Variants in CSMD2 observed in about 807,000 individuals in gnomAD.
CSMD2 encodes CUB and Sushi multiple domains 2, also known as CUB and sushi domain-containing protein 2.
Under a neutral mutation model 398.5 loss-of-function variants are expected in CSMD2, and 130 were observed. The observed-to-expected ratio is 0.33, with a 90% CI of 0.28 to 0.38. The LOEUF (loss-of-function observed/expected upper bound fraction) is 0.38. CSMD2 is among the 10% of genes least tolerant of loss of function. The probability of loss-of-function intolerance (pLI) is 1.00; values close to 1 mark genes in which losing one functional copy is unlikely to be tolerated. For missense variants in CSMD2, 3,829 were observed against 4,764.9 expected, an observed-to-expected ratio of 0.80 and a Z score of 5.78; for synonymous variants, 1,828 against 1,908.5, an observed-to-expected ratio of 0.96 and a Z score of 1.10.
intron 1 of CSMD2, among the ~76,000 whole-genome samples, chr1:34,102,180 G>A (rs935387549): frequency 6.6e-5 from 10 of 152,074 alleles, no homozygotes; most frequent in Non-Finnish European, 2.9e-5. Flanking sequence ...ACAGGTGCCC[G>A]CCACCACGCC....
intron 21 of CSMD2, among the ~76,000 whole-genome samples, chr1:33,711,319 C>T (rs1347958611): frequency 2.6e-5 from 4 of 152,198 alleles, no homozygotes; most frequent in Admixed American, 2.6e-4. Context: ...TCCATCTAGG[C>T]AGAGGCCTGT....
At chr1:33,569,061 G>T (rs777861071) in intron 52 of CSMD2, among the ~76,000 whole-genome samples, 2 of 152,166 alleles carry the variant, frequency 1.3e-5, no homozygotes, top group Non-Finnish European at 1.5e-5. Flanking sequence ...CTGCAAATTT[G>T]CCAAAAATGG....
chr1:33,685,738 CCT>C (rs1252545028), intron 25 of CSMD2, among the ~76,000 whole-genome samples: 1 of 152,156 alleles, frequency 6.6e-6, no homozygotes, highest in Non-Finnish European at 1.5e-5. Context: ...AGGCAGAACT[CCT>C]CTCTCTCTTC....
chr1:34,156,859 T>A (rs959086531), intron 1 of CSMD2, among the ~76,000 whole-genome samples: 3 of 152,238 alleles, frequency 2.0e-5, no homozygotes, highest in Admixed American at 2.0e-4. Context: ...AGTTTAAAAT[T>A]TTCCAACAAT....
intron 15 of CSMD2, among the ~76,000 whole-genome samples, chr1:33,729,453 C>CTT (rs200820125): frequency 2.9e-5 from 3 of 103,822 alleles, no homozygotes; most frequent in Non-Finnish European, 4.3e-5. Flanking sequence ...GGGGAGGATT[C>CTT]TTTTTTTTTT....
At chr1:34,132,145 G>A (rs1050430570) in intron 1 of CSMD2, among the ~76,000 whole-genome samples, 2 of 151,980 alleles carry the variant, frequency 1.3e-5, no homozygotes, top group South Asian at 2.1e-4. Context: ...GGGAGGACTC[G>A]CCTCTGGAAC....
chr1:34,084,628 A>G (rs1412005364), intron 2 of CSMD2, among the ~76,000 whole-genome samples: 2 of 152,164 alleles, frequency 1.3e-5, no homozygotes, highest in Non-Finnish European at 2.9e-5. Context: ...CACATGAAAA[A>G]ATGCTCACCA....
intron 5 of CSMD2, among the ~76,000 whole-genome samples, chr1:33,903,413 C>G (rs1642881768): frequency 6.6e-6 from 1 of 151,876 alleles, no homozygotes; most frequent in African/African-American, 2.4e-5. Context: ...CCGCTCTGGC[C>G]AAGCAGTTTG....
chr1:33,537,439 T>C lies in CSMD2; in HGVS notation c.9802A>G (p.Ile3268Val). The C allele has an allele frequency of 1.9e-6, 3 of 1,611,718 alleles. No individual in the cohort carries two copies. Among genetic ancestry groups the C allele is most frequent in the South Asian group, 1.1e-5 (1 of 90,712 alleles). The change falls in exon 61 of 71, where the codon ATA becomes GTA. Residue 3268 changes from isoleucine to valine, a missense_variant. Ile to Val is a conservative substitution (Grantham distance 29). Transcript: ENST00000373381. This position sits in a 1 kb window ranked among gnomAD's most constrained non-coding sequence, Gnocchi z 4.6. ...CCTGCTCCAGATGACCTCTCACCTA[T>C]GCAGCTGGGCTGGGTGCCACTCCAT... Reference protein sequence around the residue: ...GTWSGTQPSCIDPTLTTCADP... With the variant: ...GTWSGTQPSCVDPTLTTCADP...
At chr1:33,953,883 C>A (rs1329723751) in intron 3 of CSMD2, among the ~76,000 whole-genome samples, 1 of 152,144 alleles carries the variant, frequency 6.6e-6, no homozygotes, top group East Asian at 1.9e-4. Flanking sequence ...CAGGGCACTT[C>A]CCATGGATAA....
chr1:33,569,381 G>A lies in CSMD2; in HGVS notation c.8124C>T (p.Arg2708=). 1 of 1,613,586 alleles carries A rather than the reference G, an allele frequency of 6.2e-7. No individual in the cohort carries two copies. The highest frequency in any genetic ancestry group is 8.5e-7 in the Non-Finnish European group (1 of 1,179,716). The change falls in exon 52 of 71, where the codon CGC becomes CGT. Residue 2708 remains arginine, a synonymous_variant. Transcript: ENST00000373381. The part of the protein sequence containing the change: ...ANGLWSGSEV[R]CLATQTKLHS... ...CCTGCAGAGGTCACTTACCAAGGCA[G>A]CGGACTTCAGAGCCACTCCAGAGCC...
intron 5 of CSMD2, among the ~76,000 whole-genome samples, chr1:33,883,688 A>G (rs954224419): frequency 3.9e-5 from 6 of 152,138 alleles, no homozygotes; most frequent in Non-Finnish European, 8.8e-5. Flanking sequence ...GAACTCTCCA[A>G]GCCTTCTCAG....
intron 2 of CSMD2, among the ~76,000 whole-genome samples, chr1:34,086,297 TC>T (rs1657881009): frequency 6.6e-6 from 1 of 152,188 alleles, no homozygotes; most frequent in Non-Finnish European, 1.5e-5. Flanking sequence ...GAAGACTGGC[TC>T]CCTTGTGACC....
chr1:33,778,485 A>G (rs1277727325), intron 12 of CSMD2, among the ~76,000 whole-genome samples: 1 of 152,008 alleles, frequency 6.6e-6, no homozygotes, highest in East Asian at 1.9e-4. Flanking sequence ...AAGATGATTC[A>G]CCACCCAGCC....
intron 5 of CSMD2, among the ~76,000 whole-genome samples, chr1:33,896,651 A>G (rs1250702039): frequency 4.6e-5 from 7 of 152,098 alleles, no homozygotes; most frequent in Non-Finnish European, 8.8e-5. Context: ...TTGAACTCCC[A>G]ACTTCCAGGC....
In CSMD2 at chr1:33,636,293, A is replaced by G. The variant is rs373632199; in HGVS notation, c.4969+67T>C. On this transcript the variant is annotated intron_variant, in intron 30 of 70. Transcript: ENST00000373381. This position sits in a 1 kb window ranked among gnomAD's most constrained non-coding sequence, Gnocchi z 4.8. ...CTTGCCCCCCTCCCTTCCCCAGCCCACAGCACCCTCTGCCCCTGGCATGCC... is the reference window on the plus strand; with the variant it reads ...CTTGCCCCCCTCCCTTCCCCAGCCCGCAGCACCCTCTGCCCCTGGCATGCC... 1 of 1,468,264 alleles carries G rather than the reference A, an allele frequency of 6.8e-7. No homozygotes were observed. 91.0% of individuals were successfully genotyped at this position (1,468,264 alleles called of 1,614,324 possible). A position where few individuals can be genotyped will look rare whatever the true frequency, so the allele number is the denominator to read the frequency against.
At position 34,058,715 on chromosome 1, in the gene CSMD2, C is replaced by T. The variant is rs915051249; in HGVS notation, c.405-26009G>A. 5.3e-5 allele frequency among the ~76,000 whole-genome samples: 8 copies of T among 152,270 alleles called. No homozygotes were observed. The South Asian group carries it at 6.2e-4, about 12-fold the overall frequency. On this transcript the variant is annotated intron_variant, in intron 2 of 70. Transcript: ENST00000373381. ...CTGGGCTGCCCACCCTGGTTGAAACCGCACACCTGGCCTTCAGCACTGTTC... is the reference window on the plus strand; with the variant it reads ...CTGGGCTGCCCACCCTGGTTGAAACTGCACACCTGGCCTTCAGCACTGTTC...
intron 1 of CSMD2, among the ~76,000 whole-genome samples, chr1:34,116,058 G>A (rs1355213395): frequency 3.3e-5 from 5 of 151,854 alleles, no homozygotes; most frequent in African/African-American, 9.7e-5. Context: ...TAACTATAAG[G>A]CACACAGAAA....
Position 34,164,947 on chromosome 1 carries a change from G to A in CSMD2, c.151C>T (p.Leu51=). Residue 51 remains leucine, a synonymous_variant, in exon 1 of 71, where the codon CTG becomes TTG. Coordinates refer to ENST00000373381, the MANE Select transcript of CSMD2 (RefSeq NM_001281956.2). The surrounding 1 kb of genome is among the most constrained non-coding windows in gnomAD (Gnocchi z 6.2). ...GAGACGCTGAGCAACCCACAGCCCA[G>A]CAACAGCAGCAGAGGCGGCGGCGTT... is the stretch of plus-strand genomic sequence containing the variant. ...PPTPPPLLLL[L]GCGLLSVSAA... The A allele has an allele frequency of 1.6e-6, 2 of 1,221,270 alleles. No individual in the cohort carries two copies. The highest frequency in any genetic ancestry group is 2.0e-6 in the Non-Finnish European group (2 of 981,390). The allele number at this position is 1,221,270 out of a possible 1,614,324, so 75.7% of individuals were successfully genotyped here. A position where few individuals can be genotyped will look rare whatever the true frequency, so the allele number is the denominator to read the frequency against.
Sources: allele counts gnomAD v4.1 joint callset (sites outside exome capture counted in the v4.1 genomes callset), GRCh38; gene constraint gnomAD v4.1.1; non-coding constraint Gnocchi (gnomAD v3.1); transcripts MANE v1.5; gene names NCBI Gene and HGNC (gene_info 2026-07-23, HGNC 2026-07-21).